MLLT3: variants seen among roughly 807,000 people sequenced by gnomAD.
MLLT3 encodes the protein protein AF-9.
Under a neutral mutation model 53.2 loss-of-function variants are expected in MLLT3, and 4 were observed. The ratio of observed to expected loss-of-function variants is 0.08; its 90% CI spans 0.04 to 0.17. The LOEUF (loss-of-function observed/expected upper bound fraction) is 0.17, where lower values mean the gene tolerates loss of function less well. Ranked by LOEUF, MLLT3 falls within the 10% of genes least tolerant of loss-of-function variation. MLLT3 has a pLI of 1.00. For missense variants in MLLT3, 569 were observed against 684.0 expected (o/e 0.83, Z 1.87); for synonymous variants, 283 against 230.6 (o/e 1.23, Z -2.06).
chr9:20,365,795 C>T (rs771271668), intron 5 of MLLT3, 51 bp from the exon 6 acceptor site: 7 of 1,584,642 alleles, frequency 4.4e-6, no homozygotes, highest in Non-Finnish European at 4.3e-6. Context: ...GGATACCACA[C>T]ATCTAAAGTT....
chr9:20,535,302 G>A (rs1229320830), intron 2 of MLLT3, among the ~76,000 whole-genome samples: 2 of 152,104 alleles, frequency 1.3e-5, no homozygotes, highest in Admixed American at 6.5e-5. Flanking sequence ...GTTTCATCCC[G>A]AAACCATCCC....
At chr9:20,445,053 T>C (rs1407248099) in intron 4 of MLLT3, among the ~76,000 whole-genome samples, 2 of 151,368 alleles carry the variant, frequency 1.3e-5, no homozygotes, top group African/African-American at 2.4e-5. Context: ...ATCAAGCCAC[T>C]GCACTCCAGC....
chr9:20,546,638 C>T (rs1272136966), intron 2 of MLLT3, among the ~76,000 whole-genome samples: 1 of 152,086 alleles, frequency 6.6e-6, no homozygotes, highest in African/African-American at 2.4e-5. Context: ...TGCGAATGAC[C>T]CTGTATGGCA....
intron 4 of MLLT3, among the ~76,000 whole-genome samples, chr9:20,447,636 T>A (rs546754448): frequency 6.6e-5 from 10 of 152,304 alleles, no homozygotes; most frequent in African/African-American, 2.4e-4. Context: ...TTTATCAACA[T>A]AAAATTCAAA....
intron 2 of MLLT3, among the ~76,000 whole-genome samples, chr9:20,614,158 G>T (rs1046166682): frequency 6.6e-6 from 1 of 152,158 alleles, no homozygotes; most frequent in Non-Finnish European, 1.5e-5. Flanking sequence ...ACTTTGGAAG[G>T]CCAAGGCGGG....
At chr9:20,399,723 A>AT (rs1194590789) in intron 5 of MLLT3, among the ~76,000 whole-genome samples, 5 of 152,124 alleles carry the variant, frequency 3.3e-5, no homozygotes, top group African/African-American at 9.7e-5. Context: ...AAAGATAAGG[A>AT]TGAAACGGTC....
At chr9:20,376,294 G>C (rs1821763374) in intron 5 of MLLT3, among the ~76,000 whole-genome samples, 2 of 152,128 alleles carry the variant, frequency 1.3e-5, no homozygotes, top group South Asian at 2.1e-4. Context: ...TTTGATGTTA[G>C]ATTAGAATCA....
At chr9:20,526,208 A>G (rs534413790) in intron 2 of MLLT3, among the ~76,000 whole-genome samples, 1 of 152,344 alleles carries the variant, frequency 6.6e-6, no homozygotes, top group African/African-American at 2.4e-5. Flanking sequence ...AGACTAGTGT[A>G]CATACATACA....
intron 2 of MLLT3, among the ~76,000 whole-genome samples, chr9:20,555,319 G>C (rs574184224): frequency 1.3e-5 from 2 of 152,032 alleles, no homozygotes; most frequent in Non-Finnish European, 2.9e-5. Flanking sequence ...AGCTGAAACT[G>C]AGTTCTATTT....
In MLLT3 at chr9:20,376,958, A is replaced by G. The variant is rs566414316; in HGVS notation, c.1126-11214T>C. ...TTTGAGCAAAGTTCACATGTACAGA[A>G]GTTGAATTTCACAACTGACCTTTAA... On this transcript the variant is annotated intron_variant, in intron 5 of 10. Transcript: ENST00000380338. Among the ~76,000 whole-genome samples, 5 of 152,320 alleles carry G rather than the reference A, an allele frequency of 3.3e-5. No homozygotes were observed. The East Asian group carries it at 7.7e-4, about 24-fold the overall frequency.
At chr9:20,505,638 T>C (rs1277017388) in intron 2 of MLLT3, among the ~76,000 whole-genome samples, 1 of 152,228 alleles carries the variant, frequency 6.6e-6, no homozygotes, top group African/African-American at 2.4e-5. Flanking sequence ...CCTTGGCTTA[T>C]GGCATTGTTT....
chr9:20,519,012 ATAAAAGGTAAAAAAGGAATAGTG>A (rs1372185006), intron 2 of MLLT3, among the ~76,000 whole-genome samples: 2 of 152,218 alleles, frequency 1.3e-5, no homozygotes, highest in Non-Finnish European at 2.9e-5. Context: ...CTTCCTTCCT[ATAAAAGGTAAAAAAGGAATAGTG>A]TTTTTAAATC....
intron 2 of MLLT3, among the ~76,000 whole-genome samples, chr9:20,610,717 A>G (rs1179830257): frequency 2.6e-5 from 4 of 152,154 alleles, no homozygotes; most frequent in Admixed American, 1.3e-4. Flanking sequence ...AAAAGAGATA[A>G]CATATACAAA....
intron 2 of MLLT3, among the ~76,000 whole-genome samples, chr9:20,517,416 T>A (rs1386548138): frequency 6.6e-6 from 1 of 151,674 alleles, no homozygotes; most frequent in African/African-American, 2.4e-5. Context: ...GAACCAAGGT[T>A]TTTTAGGGTC....
chr9:20,438,739 A>G (rs1438434876), intron 4 of MLLT3, among the ~76,000 whole-genome samples: 2 of 152,128 alleles, frequency 1.3e-5, no homozygotes, highest in East Asian at 1.9e-4. Flanking sequence ...TAATTTGCCC[A>G]AAGACACAAT....
At chr9:20,446,509 T>C (rs1291776256) in intron 4 of MLLT3, among the ~76,000 whole-genome samples, 2 of 152,212 alleles carry the variant, frequency 1.3e-5, no homozygotes. Context: ...CTTTAAAAAG[T>C]TCTTGTGTCA....
intron 2 of MLLT3, among the ~76,000 whole-genome samples, chr9:20,499,507 G>C (rs1299687136): frequency 6.6e-6 from 1 of 152,024 alleles, no homozygotes; most frequent in South Asian, 2.1e-4. Flanking sequence ...AACACACACT[G>C]AACAATAAAT....
chr9:20,414,284 T>G lies in MLLT3; in HGVS notation c.562A>C (p.Ser188Arg). The G allele has an allele frequency of 6.2e-7, 1 of 1,612,078 alleles. No individual in the cohort carries two copies. Among genetic ancestry groups the G allele is most frequent in the Non-Finnish European group, 8.5e-7 (1 of 1,179,186 alleles). The change falls in exon 5 of 11, where the codon AGC becomes CGC. Residue 188 changes from serine (S) to arginine (R), a missense_variant. This residue lies in a region of MLLT3 where 437 missense variants were observed against 376.5 expected (regional missense o/e 1.16). Coordinates refer to ENST00000380338, the MANE Select transcript of MLLT3 (RefSeq NM_004529.4). ...SSSSSSSSSSSSSTSFSKPHK... is the reference protein window; with the variant it reads ...SSSSSSSSSSRSSTSFSKPHK... ...GGCTTTGAAAAACTGGTACTACTGC[T>G]GCTGCTGCTGCTGCTACTGCTGCTG...
chr9:20,448,087 TAATAGGAATGC>T lies in MLLT3; in HGVS notation c.420+25_420+35del. The T allele has an allele frequency of 6.3e-7, 1 of 1,578,910 alleles. No homozygotes were observed. Among genetic ancestry groups the T allele is most frequent in the Non-Finnish European group, 8.6e-7 (1 of 1,166,884 alleles). ...TTTTTTTTTTGTTGTTGTTGTTTTTTAATAGGAATGCTTTTCACAAGAGAGTGCCACTTACC... is the reference window on the plus strand; with the variant it reads ...TTTTTTTTTTGTTGTTGTTGTTTTTTTTTTCACAAGAGAGTGCCACTTACC... On this transcript the variant is annotated intron_variant, in intron 4 of 10. Transcript: ENST00000380338. This position sits in a 1 kb window ranked among gnomAD's most constrained non-coding sequence, Gnocchi z 4.0.
Sources: allele counts gnomAD v4.1 joint callset (sites outside exome capture counted in the v4.1 genomes callset), GRCh38; gene constraint gnomAD v4.1.1; regional missense constraint gnomAD v4.1.1; non-coding constraint Gnocchi (gnomAD v3.1); transcripts MANE v1.5; gene names NCBI Gene and HGNC (gene_info 2026-07-23, HGNC 2026-07-21).